TNIK: variants seen among roughly 807,000 people sequenced by gnomAD.
The protein encoded by TNIK is TRAF2 and NCK-interacting protein kinase.
TNIK carries 49 observed loss-of-function variants against 191.3 expected under a neutral mutation model. The observed-to-expected ratio is 0.26, with a 90% CI of 0.20 to 0.32. The LOEUF is 0.32. Among genes scored for constraint, TNIK ranks in the 10% least tolerant of loss-of-function variants. The pLI is 1.00. For synonymous variants in TNIK, 594 were observed against 600.9 expected (o/e 0.99, Z 0.17); for missense variants, 1,155 against 1,702.3 (o/e 0.68, Z 5.66).
At position 171,093,943 on chromosome 3, in the gene TNIK, C is replaced by T. The variant is rs574436278; in HGVS notation, c.2617G>A (p.Glu873Lys). 50 of 1,613,556 alleles carry T rather than the reference C, an allele frequency of 3.1e-5. No individual in the cohort carries two copies. Among genetic ancestry groups the T allele is most frequent in the East Asian group, 1.6e-4 (7 of 44,848 alleles). The change falls in exon 23 of 33, where the codon GAG (glutamate) becomes AAG (lysine). Residue 873 changes from glutamate (E) to lysine (K), a missense_variant. Coordinates refer to ENST00000436636, the MANE Select transcript of TNIK (RefSeq NM_015028.4). ...LIPTGAPGSNEQYNVGMVGTH... is the reference protein window; with the variant it reads ...LIPTGAPGSNKQYNVGMVGTH... ...CCCACCATTCCCACATTGTACTGCTCGTTGCTGCCTGGAGCTCCTGTTGGT... is the reference window on the plus strand; with the variant it reads ...CCCACCATTCCCACATTGTACTGCTTGTTGCTGCCTGGAGCTCCTGTTGGT...
rs1721181841 is a variant in TNIK, at chr3:171,085,162, G to A, written c.2954C>T (p.Ser985Phe). ...ATCCTCTTCATCTTCATCAGTGGGA[G>A]ACGTCTGGTATACTCTGGGGTCCAC... ...PFVDPRVYQT[S>F]PTDEDEEDEE... The change falls in exon 25 of 33, where the codon TCT becomes TTT. Residue 985 changes from serine (S) to phenylalanine (F), a missense_variant. By Grantham distance (155) the Ser-to-Phe change is radical. Transcript: ENST00000436636. The A allele has an allele frequency of 1.2e-6, 2 of 1,611,906 alleles. No individual in the cohort carries two copies. Among genetic ancestry groups the A allele is most frequent in the Non-Finnish European group, 8.5e-7 (1 of 1,179,116 alleles).
Position 171,365,197 on chromosome 3 carries a change from T to C in TNIK, c.123+4423A>G, listed in dbSNP as rs887136581. On this transcript the variant is annotated intron_variant, in intron 2 of 32. Coordinates refer to ENST00000436636, the MANE Select transcript of TNIK (RefSeq NM_015028.4). ...TTTTTTTTTTTTTTTTTTTTTTTTT[T>C]TTGAGACAGAGTTTCGCTCTACTTG... Among the ~76,000 whole-genome samples, 70 of 107,842 alleles carry C rather than the reference T, an allele frequency of 6.5e-4. 1 individual carries two copies. The South Asian group carries it at 0.023, about 36-fold the overall frequency. 70.7% of individuals were successfully genotyped at this position (107,842 alleles called of 152,430 possible).
chr3:171,137,711 G>A (rs897973156), intron 15 of TNIK, among the ~76,000 whole-genome samples: 3 of 152,154 alleles, frequency 2.0e-5, no homozygotes, highest in Non-Finnish European at 2.9e-5. Context: ...ACAAGTCTGA[G>A]GTCAACTGTG....
rs1473263067 is a variant in TNIK at position 171,350,023 on chromosome 3, A to G, written c.123+19597T>C. On this transcript the variant is annotated intron_variant, in intron 2 of 32. Coordinates refer to ENST00000436636, the MANE Select transcript of TNIK (RefSeq NM_015028.4). Reference sequence around the variant, plus strand: ...AGGAAAATATTCTATATATTTTTCAATGAACATATAGAAGAATTACAGAAC... The same window carrying G: ...AGGAAAATATTCTATATATTTTTCAGTGAACATATAGAAGAATTACAGAAC... 3.3e-5 allele frequency among the ~76,000 whole-genome samples: 5 copies of G among 152,330 alleles called. No individual in the cohort carries two copies. The East Asian group carries it at 5.8e-4, about 18-fold the overall frequency.
chr3:171,127,683 T>C (rs916021411), intron 16 of TNIK, among the ~76,000 whole-genome samples: 2 of 152,122 alleles, frequency 1.3e-5, no homozygotes, highest in Non-Finnish European at 2.9e-5. Flanking sequence ...GGGTTAGGCA[T>C]GAAAGAATTA....
chr3:171,365,198 T>G (rs940595095), intron 2 of TNIK, among the ~76,000 whole-genome samples: 1 of 106,822 alleles, frequency 9.4e-6, no homozygotes, highest in Non-Finnish European at 1.8e-5. Flanking sequence ...TTTTTTTTTT[T>G]TGAGACAGAG....
At chr3:171,069,194 A>G (rs1395178754) in intron 29 of TNIK, among the ~76,000 whole-genome samples, 197 bp from the exon 30 acceptor site, 1 of 152,134 alleles carries the variant, frequency 6.6e-6, no homozygotes, top group East Asian at 1.9e-4. Flanking sequence ...CCCTTTCTCT[A>G]CCCTTTGTCC....
intron 1 of TNIK, among the ~76,000 whole-genome samples, chr3:171,400,121 A>T (rs1345313242): frequency 6.6e-6 from 1 of 152,150 alleles, no homozygotes; most frequent in Non-Finnish European, 1.5e-5. Context: ...GGTTTTCTTA[A>T]ATTGGTAGAA....
intron 24 of TNIK, among the ~76,000 whole-genome samples, chr3:171,086,812 A>T (rs1721414755): frequency 6.6e-6 from 1 of 152,208 alleles, no homozygotes; most frequent in Admixed American, 6.5e-5. Flanking sequence ...CTGTTTCTCT[A>T]CAGGAAAGGT....
intron 2 of TNIK, among the ~76,000 whole-genome samples, chr3:171,293,923 TAAA>T (rs964002935): frequency 1.3e-5 from 2 of 151,918 alleles, no homozygotes; most frequent in African/African-American, 4.8e-5. Context: ...CTACAAAAAA[TAAA>T]AAATATAAAA....
At chr3:171,169,830 A>AGAAT (rs1426822163) in intron 9 of TNIK, among the ~76,000 whole-genome samples, 1 of 152,224 alleles carries the variant, frequency 6.6e-6, no homozygotes, top group African/African-American at 2.4e-5. Context: ...GATATTCAAG[A>AGAAT]GAATAACTTT....
intron 9 of TNIK, among the ~76,000 whole-genome samples, chr3:171,174,603 C>T (rs910508199): frequency 7.5e-6 from 1 of 132,914 alleles, no homozygotes; most frequent in African/African-American, 3.1e-5. Context: ...GTCAGTCAGT[C>T]ATATCCTATC....
At chr3:171,105,444 A>G (rs1724646866) in intron 21 of TNIK, among the ~76,000 whole-genome samples, 1 of 152,168 alleles carries the variant, frequency 6.6e-6, no homozygotes, top group Non-Finnish European at 1.5e-5. Context: ...AGGGAAGAGG[A>G]GTGGAGGAAT....
At chr3:171,095,557 A>G (rs547218879) in intron 22 of TNIK, among the ~76,000 whole-genome samples, 27 of 152,264 alleles carry the variant, frequency 1.8e-4, no homozygotes, top group African/African-American at 5.8e-4. Flanking sequence ...TGTTTCTTAT[A>G]TATTTAAAAA....
intron 2 of TNIK, among the ~76,000 whole-genome samples, chr3:171,235,555 C>T (rs1744164044): frequency 1.3e-5 from 2 of 152,128 alleles, no homozygotes; most frequent in African/African-American, 2.4e-5. Context: ...GGTACCTGAA[C>T]ACTAGTCCAA....
At chr3:171,252,431 C>T (rs1746349203) in intron 2 of TNIK, among the ~76,000 whole-genome samples, 1 of 152,102 alleles carries the variant, frequency 6.6e-6, no homozygotes, top group South Asian at 2.1e-4. Context: ...TAAACAAAAC[C>T]ACCCCAAAAA....
intron 1 of TNIK, among the ~76,000 whole-genome samples, chr3:171,373,780 A>G (rs1013412212): frequency 6.6e-6 from 1 of 152,144 alleles, no homozygotes; most frequent in African/African-American, 2.4e-5. Context: ...CCATCTGCCA[A>G]GATTATTCCT....
intron 29 of TNIK, 31 bp from the exon 30 acceptor site, chr3:171,069,028 C>T (rs1421866011): frequency 6.3e-7 from 1 of 1,592,642 alleles, no homozygotes; most frequent in South Asian, 1.2e-5. Context: ...GTATCCGCAT[C>T]ACTCAAAGAG....
intron 1 of TNIK, among the ~76,000 whole-genome samples, chr3:171,421,615 C>T (rs953365593): frequency 6.6e-6 from 1 of 151,828 alleles, no homozygotes; most frequent in Non-Finnish European, 1.5e-5. Context: ...TGTACTCCAA[C>T]CATAAGATAA....
Sources: gnomAD v4.1 joint callset for allele counts (sites outside exome capture counted in the v4.1 genomes callset) on GRCh38, gnomAD v4.1.1 for gene constraint, MANE v1.5 for transcripts, NCBI Gene and HGNC (gene_info 2026-07-23, HGNC 2026-07-21) for gene names.